NBEA: variants seen among roughly 807,000 people sequenced by gnomAD.
NBEA encodes neurobeachin, also known as lysosomal-trafficking regulator 2.
In NBEA, 44 loss-of-function variants were observed where a neutral mutation model predicts 343.4. The observed-to-expected ratio is 0.13, with a 90% CI of 0.10 to 0.16. NBEA has a LOEUF of 0.16. Among genes scored for constraint, NBEA ranks in the 10% least tolerant of loss-of-function variants. The probability of loss-of-function intolerance (pLI) is 1.00; values close to 1 mark genes in which losing one functional copy is unlikely to be tolerated. For missense variants in NBEA, 2,555 were observed against 3,631.3 expected (o/e 0.70, Z 7.62); for synonymous variants, 1,175 against 1,238.7 (o/e 0.95, Z 1.08).
At chr13:35,082,129 A>T (rs1380988905) in intron 10 of NBEA, among the ~76,000 whole-genome samples, 1 of 151,468 alleles carries the variant, frequency 6.6e-6, no homozygotes, top group Non-Finnish European at 1.5e-5. Context: ...ATGTTTTCTC[A>T]TTGTTCATTT....
chr13:34,960,656 A>G (rs1313590704), intron 1 of NBEA, among the ~76,000 whole-genome samples: 1 of 152,044 alleles, frequency 6.6e-6, no homozygotes, highest in East Asian at 1.9e-4. Flanking sequence ...TATTAATACT[A>G]TTGAATTATA....
At chr13:35,521,034 T>A (rs1399591795) in intron 41 of NBEA, among the ~76,000 whole-genome samples, 1 of 152,116 alleles carries the variant, frequency 6.6e-6, no homozygotes, top group Admixed American at 6.5e-5. Context: ...AAATTTCTGC[T>A]CTCATTTTCC....
intron 18 of NBEA, among the ~76,000 whole-genome samples, chr13:35,145,784 C>T (rs1001565576): frequency 2.6e-5 from 4 of 152,142 alleles, no homozygotes; most frequent in Admixed American, 6.5e-5. Context: ...GGATTTGGCA[C>T]TTTAGGATGT....
intron 36 of NBEA, among the ~76,000 whole-genome samples, chr13:35,320,740 C>T (rs922549015): frequency 2.6e-5 from 4 of 152,164 alleles, no homozygotes; most frequent in East Asian, 3.9e-4. Context: ...ACCAGTCAAA[C>T]GTAGGTTTGG....
At chr13:35,271,568 A>G (rs545491745) in intron 34 of NBEA, among the ~76,000 whole-genome samples, 1 of 152,220 alleles carries the variant, frequency 6.6e-6, no homozygotes, top group South Asian at 2.1e-4. Flanking sequence ...GAGCTAAAAG[A>G]GCATGTTCTA....
intron 1 of NBEA, among the ~76,000 whole-genome samples, chr13:34,984,853 G>A (rs2060489998): frequency 6.6e-6 from 1 of 150,910 alleles, no homozygotes; most frequent in South Asian, 2.1e-4. Context: ...TGTTATTGGT[G>A]TATAGGAATG....
chr13:35,288,092 G>A (rs1231175301), intron 34 of NBEA, among the ~76,000 whole-genome samples: 1 of 151,922 alleles, frequency 6.6e-6, no homozygotes, highest in Non-Finnish European at 1.5e-5. Context: ...GAGCTAATTT[G>A]ATTATGAATT....
At chr13:35,665,508 T>A (rs1223316897) in intron 56 of NBEA, among the ~76,000 whole-genome samples, 4 of 151,456 alleles carry the variant, frequency 2.6e-5, no homozygotes, top group Non-Finnish European at 4.4e-5. Flanking sequence ...AGGTGGGGGG[T>A]CATGTCACTC....
intron 55 of NBEA, among the ~76,000 whole-genome samples, chr13:35,661,816 C>T (rs1470644264): frequency 6.6e-6 from 1 of 152,150 alleles, no homozygotes; most frequent in Non-Finnish European, 1.5e-5. Flanking sequence ...TAAGTATAAA[C>T]ATGAATAAAA....
chr13:35,590,331 G>A (rs2081475848), intron 46 of NBEA, among the ~76,000 whole-genome samples: 1 of 151,948 alleles, frequency 6.6e-6, no homozygotes, highest in African/African-American at 2.4e-5. Flanking sequence ...GAGGCCTTCA[G>A]GTATAATGAG....
intron 10 of NBEA, among the ~76,000 whole-genome samples, chr13:35,086,397 A>G (rs1412951374): frequency 6.6e-6 from 1 of 151,902 alleles, no homozygotes; most frequent in African/African-American, 2.4e-5. Flanking sequence ...TTGACCAACT[A>G]TCTAACTGTA....
rs561957835 is a variant in NBEA at position 35,507,138 on chromosome 13, A to G, written c.6585+34602A>G. Among the ~76,000 whole-genome samples, 9 of 152,176 alleles carry G rather than the reference A, an allele frequency of 5.9e-5. No homozygotes were observed. The East Asian group carries it at 1.2e-3, about 20-fold the overall frequency. On this transcript the variant is annotated intron_variant, in intron 41 of 58. Transcript: ENST00000379939. ...AAATCCATAGGCCAATCTCTATTCT[A>G]TTTACATAATTTATCATACCCTCAT...
chr13:35,564,616 T>G (rs116764960), intron 44 of NBEA, among the ~76,000 whole-genome samples: 233 of 152,328 alleles, frequency 1.5e-3, no homozygotes, highest in African/African-American at 5.4e-3. Flanking sequence ...TAGCAGATTA[T>G]TGTCATGTCA....
Position 34,998,899 on chromosome 13 carries a change from G to A in NBEA, c.295-42034G>A, listed in dbSNP as rs530447605. 1.4e-3 allele frequency among the ~76,000 whole-genome samples: 220 copies of A among 152,312 alleles called. 1 individual carries two copies. Among genetic ancestry groups the A allele is most frequent in the African/African-American group, 3.3e-3 (137 of 41,580 alleles). ...AATCACAAGGGTATTGATTGGGGAAGTGATAAGTGTCCATGAAATCTTCAC... is the reference window on the plus strand; with the variant it reads ...AATCACAAGGGTATTGATTGGGGAAATGATAAGTGTCCATGAAATCTTCAC... On this transcript the variant is annotated intron_variant, in intron 1 of 58. Transcript: ENST00000379939.
At chr13:35,356,237 C>T (rs1475455554) in intron 38 of NBEA, among the ~76,000 whole-genome samples, 1 of 152,012 alleles carries the variant, frequency 6.6e-6, no homozygotes, top group African/African-American at 2.4e-5. Flanking sequence ...CTGCATGAAA[C>T]CAAAGTGTTA....
At chr13:35,248,619 CA>C (rs978698838) in intron 34 of NBEA, among the ~76,000 whole-genome samples, 1 of 136,196 alleles carries the variant, frequency 7.3e-6, no homozygotes, top group African/African-American at 2.5e-5. Flanking sequence ...AATAAACAAA[CA>C]AAAAAAGCCA....
chr13:35,248,692 G>A lies in NBEA; in HGVS notation c.5776+16073G>A, dbSNP rs911993974. Among the ~76,000 whole-genome samples, 4 of 152,126 alleles carry A rather than the reference G, an allele frequency of 2.6e-5. No individual in the cohort carries two copies. In the South Asian group the frequency reaches 8.3e-4, roughly 32 times the overall value. On this transcript the variant is annotated intron_variant, in intron 34 of 58. Transcript: ENST00000379939. ...GTGCCAAGACCATTTAATAATGAAAGGACAGTCTTGTCAACAAATCATGTT... is the reference window on the plus strand; with the variant it reads ...GTGCCAAGACCATTTAATAATGAAAAGACAGTCTTGTCAACAAATCATGTT...
At chr13:35,290,626 C>T (rs2035743428) in intron 35 of NBEA, among the ~76,000 whole-genome samples, 176 bp downstream of exon 35, 1 of 150,962 alleles carries the variant, frequency 6.6e-6, no homozygotes, top group Non-Finnish European at 1.5e-5. Flanking sequence ...ATTATCTTAC[C>T]ATGTAAATAT....
At chr13:35,602,095 C>T (rs1380444229) in intron 47 of NBEA, among the ~76,000 whole-genome samples, 3 of 152,078 alleles carry the variant, frequency 2.0e-5, no homozygotes, top group Non-Finnish European at 2.9e-5. Flanking sequence ...ACAGAATGAC[C>T]ACAGGTAACA....
Sources: gnomAD v4.1 joint callset for allele counts (sites outside exome capture counted in the v4.1 genomes callset) on GRCh38, gnomAD v4.1.1 for gene constraint, MANE v1.5 for transcripts, NCBI Gene and HGNC (gene_info 2026-07-23, HGNC 2026-07-21) for gene names.